The following LRRTM4 variants were observed in gnomAD, a reference collection of about 807,000 sequenced individuals.
LRRTM4 encodes the protein leucine rich repeat transmembrane neuronal 4.
LRRTM4 carries 25 observed loss-of-function variants against 47.6 expected under a neutral mutation model. That is an observed-to-expected ratio of 0.53 (90% CI 0.38 to 0.73). LRRTM4 has a LOEUF of 0.73. Among genes scored for constraint, LRRTM4 ranks in the 30% least tolerant of loss-of-function variants. The pLI, the probability that LRRTM4 is intolerant of heterozygous loss-of-function variation, is 0.00. For synonymous variants in LRRTM4, 311 were observed against 269.5 expected, an observed-to-expected ratio of 1.15 and a Z score of -1.51; for missense variants, 638 against 713.4, an observed-to-expected ratio of 0.89 and a Z score of 1.20.
intron 3 of LRRTM4, among the ~76,000 whole-genome samples, chr2:77,240,394 G>T (rs1274143703): frequency 6.6e-6 from 1 of 151,888 alleles, no homozygotes; most frequent in Admixed American, 6.6e-5. Flanking sequence ...ATTTGCTGAA[G>T]AACTCTTTAA....
At chr2:77,450,880 T>C (rs747106200) in intron 3 of LRRTM4, among the ~76,000 whole-genome samples, 4 of 152,172 alleles carry the variant, frequency 2.6e-5, no homozygotes, top group Non-Finnish European at 5.9e-5. Context: ...CCAATATTAT[T>C]TCCCTACTGA....
At chr2:77,501,716 C>T (rs894723837) in intron 3 of LRRTM4, among the ~76,000 whole-genome samples, 2 of 151,170 alleles carry the variant, frequency 1.3e-5, no homozygotes, top group South Asian at 2.1e-4. Flanking sequence ...AAGCTCTGAA[C>T]GATTTGCAAT....
intron 3 of LRRTM4, among the ~76,000 whole-genome samples, chr2:76,883,961 G>A (rs1396523731): frequency 6.6e-6 from 1 of 151,342 alleles, no homozygotes; most frequent in Non-Finnish European, 1.5e-5. Flanking sequence ...TTAACTACAG[G>A]TGCACACCAC....
intron 3 of LRRTM4, among the ~76,000 whole-genome samples, chr2:77,458,889 C>T (rs1442400596): frequency 6.6e-6 from 1 of 151,824 alleles, no homozygotes; most frequent in South Asian, 2.1e-4. Flanking sequence ...TGCCATATTA[C>T]GTACACATGC....
chr2:77,066,161 T>C (rs189616281), intron 3 of LRRTM4, among the ~76,000 whole-genome samples: 2 of 152,318 alleles, frequency 1.3e-5, no homozygotes, highest in Admixed American at 6.5e-5. Flanking sequence ...GGAGCTCAGA[T>C]ACTGAGTTAG....
intron 3 of LRRTM4, among the ~76,000 whole-genome samples, chr2:77,473,292 A>G (rs562118938): frequency 5.9e-5 from 9 of 152,188 alleles, no homozygotes; most frequent in Non-Finnish European, 1.3e-4. Flanking sequence ...TTTTTCTAAT[A>G]TTTAAAACAA....
intron 3 of LRRTM4, among the ~76,000 whole-genome samples, chr2:77,214,278 A>C (rs1438333616): frequency 6.6e-6 from 1 of 152,064 alleles, no homozygotes; most frequent in African/African-American, 2.4e-5. Flanking sequence ...TCTTATCCTA[A>C]CTCTGCATAT....
At chr2:77,358,206 C>T (rs1672043992) in intron 3 of LRRTM4, among the ~76,000 whole-genome samples, 1 of 152,148 alleles carries the variant, frequency 6.6e-6, no homozygotes, top group South Asian at 2.1e-4. Context: ...GTTTACTTGG[C>T]TCGTGGTTCT....
At chr2:76,981,254 C>T (rs569871731) in intron 3 of LRRTM4, among the ~76,000 whole-genome samples, 1 of 152,172 alleles carries the variant, frequency 6.6e-6, no homozygotes, top group Non-Finnish European at 1.5e-5. Flanking sequence ...AGTCTCTGCT[C>T]TAAAATAGAT....
At chr2:77,466,153 C>T (rs985637001) in intron 3 of LRRTM4, among the ~76,000 whole-genome samples, 2 of 152,084 alleles carry the variant, frequency 1.3e-5, no homozygotes, top group Non-Finnish European at 2.9e-5. Context: ...GATCAGTTCT[C>T]GGCAGAGTTT....
At chr2:77,399,660 A>T (rs908131149) in intron 3 of LRRTM4, among the ~76,000 whole-genome samples, 1 of 151,938 alleles carries the variant, frequency 6.6e-6, no homozygotes, top group East Asian at 1.9e-4. Flanking sequence ...CAGTGATCGT[A>T]TGAATTAGGT....
chr2:76,816,743 T>C (rs1439125072), intron 3 of LRRTM4, among the ~76,000 whole-genome samples: 3 of 150,788 alleles, frequency 2.0e-5, no homozygotes, highest in African/African-American at 7.3e-5. Context: ...CGAGCCTACC[T>C]TGTTTCCTCT....
intron 3 of LRRTM4, among the ~76,000 whole-genome samples, chr2:77,056,236 A>T (rs1225958421): frequency 3.5e-5 from 5 of 144,360 alleles, no homozygotes; most frequent in South Asian, 2.3e-4. Context: ...ATGAAAAAAT[A>T]AGGCAGTTTA....
intron 3 of LRRTM4, among the ~76,000 whole-genome samples, chr2:77,135,793 A>C (rs1258344450): frequency 6.6e-6 from 1 of 152,146 alleles, no homozygotes; most frequent in Non-Finnish European, 1.5e-5. Context: ...GAAACTAACT[A>C]CTACAAATGT....
chr2:77,315,096 C>A (rs1195787454), intron 3 of LRRTM4, among the ~76,000 whole-genome samples: 1 of 152,118 alleles, frequency 6.6e-6, no homozygotes. Flanking sequence ...AGGAAGTAAC[C>A]CCATCGTAAG....
intron 3 of LRRTM4, among the ~76,000 whole-genome samples, chr2:77,203,418 C>A (rs1674033145): frequency 6.6e-6 from 1 of 152,024 alleles, no homozygotes; most frequent in Non-Finnish European, 1.5e-5. Context: ...GCAGCACATA[C>A]AACTTGACAC....
At chr2:77,249,551 A>T (rs1675546405) in intron 3 of LRRTM4, among the ~76,000 whole-genome samples, 1 of 152,174 alleles carries the variant, frequency 6.6e-6, no homozygotes, top group Admixed American at 6.5e-5. Flanking sequence ...AAAAAAGCAT[A>T]TAAACAGATA....
At chr2:76,786,309 G>C (rs1024272279) in intron 3 of LRRTM4, among the ~76,000 whole-genome samples, 1 of 151,892 alleles carries the variant, frequency 6.6e-6, no homozygotes, top group African/African-American at 2.4e-5. Flanking sequence ...TATTGGTTAA[G>C]AATATTTATA....
chr2:77,470,192 T>C (rs994103758), intron 3 of LRRTM4, among the ~76,000 whole-genome samples: 2 of 152,086 alleles, frequency 1.3e-5, no homozygotes, highest in African/African-American at 4.8e-5. Context: ...TGCCTATCAT[T>C]CAGGATTACA....
Sources: allele counts gnomAD v4.1 joint callset (sites outside exome capture counted in the v4.1 genomes callset), GRCh38; gene constraint gnomAD v4.1.1; transcripts MANE v1.5; gene names NCBI Gene and HGNC (gene_info 2026-07-23, HGNC 2026-07-21).